The following OCA2 variants were observed in gnomAD, a reference collection of about 807,000 sequenced individuals.
OCA2 encodes P protein.
Under a neutral mutation model 100.2 loss-of-function variants are expected in OCA2, and 77 were observed. The observed-to-expected ratio is 0.77, with a 90% CI of 0.64 to 0.93. The LOEUF is 0.93. Ranked by LOEUF, OCA2 falls within the 40% of genes least tolerant of loss-of-function variation. The probability of loss-of-function intolerance (pLI) is 0.00; values close to 1 mark genes in which losing one functional copy is unlikely to be tolerated. For synonymous variants in OCA2, 432 were observed against 439.2 expected (o/e 0.98, Z 0.21); for missense variants, 1,062 against 1,089.1 (o/e 0.98, Z 0.35).
Position 27,951,799 on chromosome 15 carries a change from T to TG in OCA2, c.1935dup (p.Ile646HisfsTer4). 8.1e-6 allele frequency: 13 copies of TG among 1,610,838 alleles called. No homozygotes were observed. The highest frequency in any genetic ancestry group is 1.1e-5 in the Non-Finnish European group (13 of 1,176,992). On this transcript the variant is annotated frameshift_variant, in exon 18 of 24. Coordinates refer to ENST00000354638, the MANE Select transcript of OCA2 (RefSeq NM_000275.3). LOFTEE classifies it high-confidence loss of function. Reference sequence around the variant, plus strand: ...TTAGACTCACCAAGATCAAGATGAATGCCAGGGACAAACGAATTGAGGAAA... The same window carrying TG: ...TTAGACTCACCAAGATCAAGATGAATGGCCAGGGACAAACGAATTGAGGAAA...
intron 23 of OCA2, among the ~76,000 whole-genome samples, chr15:27,791,346 T>C (rs2033071668): frequency 6.6e-6 from 1 of 152,170 alleles, no homozygotes; most frequent in Admixed American, 6.5e-5. Flanking sequence ...AAACAAACTA[T>C]TGATGTAAGC....
intron 9 of OCA2, among the ~76,000 whole-genome samples, chr15:28,004,209 C>T (rs1053014354): frequency 8.5e-5 from 13 of 152,240 alleles, no homozygotes; most frequent in Non-Finnish European, 1.8e-4. Flanking sequence ...CAATAGACAG[C>T]AGAAGCTGCC....
chr15:27,968,768 C>T (rs2040667000), intron 14 of OCA2, among the ~76,000 whole-genome samples: 1 of 152,076 alleles, frequency 6.6e-6, no homozygotes, highest in South Asian at 2.1e-4. Flanking sequence ...TAAGCTAATT[C>T]CTGGACAGAT....
intron 19 of OCA2, among the ~76,000 whole-genome samples, chr15:27,885,584 A>G (rs1292025123): frequency 1.3e-5 from 2 of 152,260 alleles, no homozygotes; most frequent in Non-Finnish European, 2.9e-5. Context: ...TCTTAGGTGA[A>G]TCCATGTGAG....
chr15:27,961,819 G>A (rs1415049807), intron 15 of OCA2, among the ~76,000 whole-genome samples: 1 of 152,044 alleles, frequency 6.6e-6, no homozygotes, highest in Non-Finnish European at 1.5e-5. Context: ...GCTAGGGGAG[G>A]GATAGCATTA....
rs761203909 is a variant in OCA2, at chr15:28,016,154, C to T, written c.840G>A (p.Pro280=). The T allele has an allele frequency of 8.1e-6, 13 of 1,614,172 alleles. No homozygotes were observed. In the Admixed American group the frequency reaches 1.2e-4, roughly 14 times the overall value. Reference sequence around the variant, plus strand: ...TCATCACTGAGTGCTCGCTTCTCCTCGGATTTAAATACACCGTCCAGTTGT... The same window carrying T: ...TCATCACTGAGTGCTCGCTTCTCCTTGGATTTAAATACACCGTCCAGTTGT... ...VTHNWTVYLN[P]RRSEHSVMSR... The change falls in exon 8 of 24, where the codon CCG becomes CCA. Residue 280 remains proline (P), a synonymous_variant. Coordinates refer to ENST00000354638, the MANE Select transcript of OCA2 (RefSeq NM_000275.3).
intron 1 of OCA2, among the ~76,000 whole-genome samples, chr15:28,083,245 TAAGCC>T (rs2044708967): frequency 6.6e-6 from 1 of 152,196 alleles, no homozygotes; most frequent in Non-Finnish European, 1.5e-5. Context: ...TACAGCTGAG[TAAGCC>T]AAGCACTGAC....
At chr15:27,731,001 C>T in the OCA2 span, among the ~76,000 whole-genome samples, 2 of 151,486 alleles carry the variant, frequency 1.3e-5, no homozygotes, top group Non-Finnish European at 2.9e-5. Flanking sequence ...TTCTGAAATC[C>T]ATCAAAGTTA....
intron 2 of OCA2, among the ~76,000 whole-genome samples, chr15:28,078,678 C>T (rs2044514390): frequency 1.3e-5 from 2 of 152,356 alleles, no homozygotes; most frequent in South Asian, 4.1e-4. Context: ...TACATGACAA[C>T]TTGTCCCAGC....
At chr15:27,755,617 T>C (rs2030293687) in intron 23 of OCA2, 145 bp from the exon 24 acceptor site, 2 of 704,368 alleles carry the variant, frequency 2.8e-6, no homozygotes, top group Admixed American at 4.1e-5. Flanking sequence ...ATCAGGAAGT[T>C]AGTTTTAGAC....
intron 7 of OCA2, among the ~76,000 whole-genome samples, chr15:28,017,030 G>A (rs971156611): frequency 7.0e-6 from 1 of 143,882 alleles, no homozygotes; most frequent in Non-Finnish European, 1.5e-5. Flanking sequence ...TGGGGTGCAG[G>A]AGAGTGATCA....
intron 21 of OCA2, among the ~76,000 whole-genome samples, chr15:27,854,696 G>A (rs1364587217): frequency 6.6e-6 from 1 of 152,168 alleles, no homozygotes; most frequent in Non-Finnish European, 1.5e-5. Context: ...AGGAGTGAGC[G>A]AAGTGCAACT....
At chr15:28,081,611 A>C in intron 2 of OCA2, 37 bp downstream of exon 2, 1 of 1,576,244 alleles carries the variant, frequency 6.3e-7, no homozygotes, top group Non-Finnish European at 8.7e-7. Flanking sequence ...ATCTGTGTGA[A>C]GTCCACATTT....
chr15:27,811,687 G>A (rs1012997489), intron 23 of OCA2, among the ~76,000 whole-genome samples: 2 of 152,188 alleles, frequency 1.3e-5, no homozygotes, highest in South Asian at 2.1e-4. Flanking sequence ...ACACAGGGCC[G>A]TGGCGTGTCT....
At chr15:27,981,763 T>C (rs527786140) in intron 14 of OCA2, among the ~76,000 whole-genome samples, 25 of 152,324 alleles carry the variant, frequency 1.6e-4, no homozygotes, top group Admixed American at 6.5e-4. Context: ...AACACTCTGC[T>C]GAACACTCCA....
chr15:27,796,684 A>C (rs2033354323), intron 23 of OCA2, among the ~76,000 whole-genome samples: 1 of 152,234 alleles, frequency 6.6e-6, no homozygotes, highest in South Asian at 2.1e-4. Flanking sequence ...ATAGCCTATC[A>C]TCGTCCAGAG....
chr15:27,949,579 C>T (rs1367322832), intron 18 of OCA2, among the ~76,000 whole-genome samples: 1 of 152,132 alleles, frequency 6.6e-6, no homozygotes, highest in African/African-American at 2.4e-5. Context: ...AGGAGAATTG[C>T]TTGAGCCCAG....
chr15:27,918,306 A>G (rs1175392901), intron 19 of OCA2, among the ~76,000 whole-genome samples: 1 of 152,068 alleles, frequency 6.6e-6, no homozygotes, highest in Admixed American at 6.6e-5. Flanking sequence ...TCCTGGCCTC[A>G]TGATCCACCT....
At chr15:27,851,231 G>A (rs889363954) in intron 22 of OCA2, 151 bp downstream of exon 22, 13 of 733,714 alleles carry the variant, frequency 1.8e-5, no homozygotes, top group Admixed American at 4.1e-5. Context: ...CTCTGGAATT[G>A]CTCTGTCAAA....
Sources: allele counts gnomAD v4.1 joint callset (sites outside exome capture counted in the v4.1 genomes callset), GRCh38; gene constraint gnomAD v4.1.1; transcripts MANE v1.5; gene names NCBI Gene and HGNC (gene_info 2026-07-23, HGNC 2026-07-21).